Variants in HCN2 observed in about 807,000 individuals in gnomAD.
HCN2 encodes the protein hyperpolarization activated cyclic nucleotide gated potassium and sodium channel 2.
A neutral mutation model predicts 52.3 loss-of-function variants in HCN2; 20 were observed. The observed-to-expected ratio is 0.38, with a 90% CI of 0.27 to 0.56. HCN2 has a LOEUF of 0.56. Ranked by LOEUF, HCN2 falls within the 20% of genes least tolerant of loss-of-function variation. The pLI, the probability that HCN2 is intolerant of heterozygous loss-of-function variation, is 0.71. For missense variants in HCN2, 981 were observed against 1,207.7 expected, an observed-to-expected ratio of 0.81 and a Z score of 2.78; for synonymous variants, 694 against 537.0, an observed-to-expected ratio of 1.29 and a Z score of -4.04.
rs1314892428 is a variant in HCN2, at chr19:592,028, C to T, written c.632+1451C>T. On this transcript the variant is annotated intron_variant, in intron 1 of 7. Coordinates refer to ENST00000251287, the MANE Select transcript of HCN2 (RefSeq NM_001194.4). This position sits in a 1 kb window ranked among gnomAD's most constrained non-coding sequence, Gnocchi z 4.8. ...TCCCCAGAGGGGCTGTGTCCGGCCCCTCCCACCCTGCCTCTGTGCCCCACC... is the reference window on the plus strand; with the variant it reads ...TCCCCAGAGGGGCTGTGTCCGGCCCTTCCCACCCTGCCTCTGTGCCCCACC... Among the ~76,000 whole-genome samples, 1 of 152,220 alleles carries T rather than the reference C, an allele frequency of 6.6e-6. No individual in the cohort carries two copies. Among genetic ancestry groups the T allele is most frequent in the Non-Finnish European group, 1.5e-5 (1 of 68,028 alleles).
chr19:614,034 G>C lies in HCN2; in HGVS notation c.1990+18G>C. 1.3e-6 allele frequency: 2 copies of C among 1,550,442 alleles called. No individual in the cohort carries two copies. The highest frequency in any genetic ancestry group is 1.7e-6 in the Non-Finnish European group (2 of 1,150,032). Reference sequence around the variant, plus strand: ...CCGCATCGGTGAGCGGGCCGGGGGCGTGGCCGGGGCGGGTGCCCTGGCGGG... The same window carrying C: ...CCGCATCGGTGAGCGGGCCGGGGGCCTGGCCGGGGCGGGTGCCCTGGCGGG... On this transcript the variant is annotated intron_variant, in intron 7 of 7. Coordinates refer to ENST00000251287, the MANE Select transcript of HCN2 (RefSeq NM_001194.4).
At chr19:613,804 C>T (rs766584957) in intron 6 of HCN2, 48 bp from the exon 7 acceptor site, 38 of 1,448,424 alleles carry the variant, frequency 2.6e-5, no homozygotes, top group Admixed American at 8.1e-5. Context: ...CGGGGAGGGC[C>T]GCGGCGCCCG....
chr19:595,108 G>C (rs948754816), intron 1 of HCN2, among the ~76,000 whole-genome samples: 2 of 152,088 alleles, frequency 1.3e-5, no homozygotes, highest in African/African-American at 4.8e-5. Context: ...AGGCTGAGGC[G>C]GGAGGATCAC....
chr19:602,503 G>A (rs1488551594), intron 1 of HCN2, among the ~76,000 whole-genome samples: 1 of 152,156 alleles, frequency 6.6e-6, no homozygotes, highest in Non-Finnish European at 1.5e-5. Flanking sequence ...GGCCCCTGTG[G>A]AGGCTCCCGC....
At chr19:602,951 GGGGGAA>G (rs1983257469) in intron 1 of HCN2, among the ~76,000 whole-genome samples, 1 of 94,230 alleles carries the variant, frequency 1.1e-5, no homozygotes, top group Admixed American at 1.1e-4. Flanking sequence ...CAGGCGCCTG[GGGGGAA>G]GGCACCGGCC....
chr19:606,800 G>C (rs181705880), intron 3 of HCN2, among the ~76,000 whole-genome samples: 115 of 133,990 alleles, frequency 8.6e-4, no homozygotes, highest in African/African-American at 3.2e-3. Flanking sequence ...GCAGCGAGCT[G>C]AGATCACACC....
intron 4 of HCN2, 138 bp downstream of exon 4, chr19:608,320 A>G: frequency 1.3e-6 from 1 of 761,538 alleles, no homozygotes; most frequent in African/African-American, 1.8e-5. Context: ...GGCTGGAGGG[A>G]GGCCTTGCCC....
intron 1 of HCN2, among the ~76,000 whole-genome samples, chr19:597,366 C>T (rs1983060815): frequency 6.6e-6 from 1 of 152,202 alleles, no homozygotes; most frequent in South Asian, 2.1e-4. Flanking sequence ...CAGCTCACCC[C>T]AAGAATAAAG....
At chr19:601,546 A>G (rs1983202765) in intron 1 of HCN2, among the ~76,000 whole-genome samples, 1 of 151,734 alleles carries the variant, frequency 6.6e-6, no homozygotes, top group African/African-American at 2.4e-5. Context: ...TCCGCAGTCG[A>G]GCTGGTGTGA....
At chr19:601,910 G>T (rs934644702) in intron 1 of HCN2, among the ~76,000 whole-genome samples, 1 of 151,988 alleles carries the variant, frequency 6.6e-6, no homozygotes, top group Non-Finnish European at 1.5e-5. Flanking sequence ...TGGGGACTTG[G>T]ACTCTGGCCG....
rs779340640 is a variant in HCN2 at position 610,409 on chromosome 19, AGGCGGGCGCCG to A, written c.1584+13_1584+23del. On this transcript the variant is annotated splice_donor_5th_base_variant and intron_variant, in intron 5 of 7. Coordinates refer to ENST00000251287, the MANE Select transcript of HCN2 (RefSeq NM_001194.4). ...GCTCAACGGGCCCCTGCGGGAGGTGAGGCGGGCGCCGGGCGGGCGGGAGGCAGCCTCCGGTA... is the reference window on the plus strand; with the variant it reads ...GCTCAACGGGCCCCTGCGGGAGGTGAGGCGGGCGGGAGGCAGCCTCCGGTA... 24 of 1,611,892 alleles carry A rather than the reference AGGCGGGCGCCG, an allele frequency of 1.5e-5. 1 individual carries two copies. The South Asian group carries it at 2.6e-4, about 18-fold the overall frequency.
rs752408675 is a variant in HCN2 at position 613,994 on chromosome 19, C to A, written c.1968C>A (p.Ala656=). 2.4e-5 allele frequency: 30 copies of A among 1,241,402 alleles called. No individual in the cohort carries two copies. The South Asian group carries it at 4.0e-4, about 16-fold the overall frequency. The allele number at this position is 1,241,402 out of a possible 1,614,324, so 76.9% of individuals were successfully genotyped here. A position where few individuals can be genotyped will look rare whatever the true frequency, so the allele number is the denominator to read the frequency against. Residue 656 remains alanine, a synonymous_variant, in exon 7 of 8, where the codon GCC becomes GCA. Transcript: ENST00000251287. ...TGCGGCGCGCCTTCGAGACGGTGGC[C>A]ATCGACCGCCTGGACCGCATCGGTG... is the stretch of plus-strand genomic sequence containing the variant. ...PMMRRAFETV[A]IDRLDRIGKK...
chr19:603,676 C>T lies in HCN2; in HGVS notation c.765C>T (p.Phe255=), dbSNP rs1159165868. 3 of 1,612,676 alleles carry T rather than the reference C, an allele frequency of 1.9e-6. No individual in the cohort carries two copies. The highest frequency in any genetic ancestry group is 2.5e-6 in the Non-Finnish European group (3 of 1,179,766). The change falls in exon 2 of 8, where the codon TTC becomes TTT. Residue 255 remains phenylalanine (F), a synonymous_variant. Coordinates refer to ENST00000251287, the MANE Select transcript of HCN2 (RefSeq NM_001194.4). The part of the protein sequence containing the change: ...IVFNVVSDTF[F]LMDLVLNFRT... ...TCAACGTGGTCTCGGACACCTTCTT[C>T]CTCATGGACCTGGTGTTGAACTTCC...
rs768576209 is a variant in HCN2 at position 603,986 on chromosome 19, G to A, written c.1056+19G>A. 4 of 1,572,712 alleles carry A rather than the reference G, an allele frequency of 2.5e-6. No homozygotes were observed. The Admixed American group carries it at 5.1e-5, about 20-fold the overall frequency. On this transcript the variant is annotated intron_variant, in intron 2 of 7. Coordinates refer to ENST00000251287, the MANE Select transcript of HCN2 (RefSeq NM_001194.4). The stretch of plus-strand genomic sequence containing the variant: ...GGAGGAGGTGAGGTGGGGCGGGGGC[G>A]GGGCCAAGGCAGCAGGGGCGGGGCT...
At chr19:614,234 C>G (rs898894761) in intron 7 of HCN2, among the ~76,000 whole-genome samples, 1 of 152,048 alleles carries the variant, frequency 6.6e-6, no homozygotes, top group Non-Finnish European at 1.5e-5. Flanking sequence ...TCCTAGGACC[C>G]CTTTGGGTCT....
intron 4 of HCN2, among the ~76,000 whole-genome samples, chr19:609,519 A>C (rs1249371430): frequency 6.6e-6 from 1 of 152,146 alleles, no homozygotes; most frequent in Non-Finnish European, 1.5e-5. Context: ...TAATCCCGGC[A>C]CTCTGGGAGG....
intron 1 of HCN2, among the ~76,000 whole-genome samples, chr19:597,856 T>C (rs971745696): frequency 4.6e-5 from 7 of 151,926 alleles, no homozygotes; most frequent in African/African-American, 1.7e-4. Context: ...TAGGTCTCCT[T>C]GGCGGTTTCT....
intron 1 of HCN2, among the ~76,000 whole-genome samples, chr19:595,943 C>T (rs1312997614): frequency 6.6e-6 from 1 of 152,212 alleles, no homozygotes; most frequent in Non-Finnish European, 1.5e-5. Flanking sequence ...CGGGGAGGGC[C>T]TGGCTGCCCT....
rs770861509 is a variant in HCN2 at position 603,753 on chromosome 19, A to C, written c.842A>C (p.Lys281Thr). 2 of 1,612,866 alleles carry C rather than the reference A, an allele frequency of 1.2e-6. No homozygotes were observed. The highest frequency in any genetic ancestry group is 1.7e-6 in the Non-Finnish European group (2 of 1,179,804). ...ACGGAGATCATCCTGGACCCCGAGAAGATCAAGAAGAAGTATCTGCGCACG... is the reference window on the plus strand; with the variant it reads ...ACGGAGATCATCCTGGACCCCGAGACGATCAAGAAGAAGTATCTGCGCACG... ...DNTEIILDPE[K>T]IKKKYLRTWF... Residue 281 changes from lysine to threonine, a missense_variant, in exon 2 of 8, where the codon AAG (lysine) becomes ACG (threonine). Transcript: ENST00000251287.
Sources: allele counts gnomAD v4.1 joint callset (sites outside exome capture counted in the v4.1 genomes callset), GRCh38; gene constraint gnomAD v4.1.1; non-coding constraint Gnocchi (gnomAD v3.1); transcripts MANE v1.5; gene names NCBI Gene and HGNC (gene_info 2026-07-23, HGNC 2026-07-21).